The following UNC13A variants were observed in gnomAD, a reference collection of about 807,000 sequenced individuals.
UNC13A encodes protein unc-13 homolog A.
A neutral mutation model predicts 219.7 loss-of-function variants in UNC13A; 61 were observed. That is an observed-to-expected ratio of 0.28 (90% CI 0.23 to 0.34). UNC13A has a LOEUF of 0.34. Ranked by LOEUF, UNC13A falls within the 10% of genes least tolerant of loss-of-function variation. UNC13A has a pLI of 1.00. For synonymous variants in UNC13A, 920 were observed against 884.6 expected, an observed-to-expected ratio of 1.04 and a Z score of -0.71; for missense variants, 1,476 against 2,270.3, an observed-to-expected ratio of 0.65 and a Z score of 7.11.
At position 17,610,910 on chromosome 19, in the gene UNC13A, G is replaced by A. The variant is rs138124907; in HGVS notation, c.4652-811C>T. 8.3e-3 allele frequency among the ~76,000 whole-genome samples: 1,271 copies of A among 152,256 alleles called. 69 individuals are homozygous for A. The highest frequency in any genetic ancestry group is 0.077 in the Admixed American group (1,178 of 15,290). ...TAGCCAGGTGTGATGCTGCATGCCT[G>A]CAATCCCAGCGACTCCGGAAGCTGA... On this transcript the variant is annotated intron_variant, in intron 42 of 43. Transcript: ENST00000519716.
Position 17,604,671 on chromosome 19 carries a change from T to A in UNC13A, c.*1383A>T, listed in dbSNP as rs567275665. The stretch of plus-strand genomic sequence containing the variant: ...AAAGCAGATCCCAGAGCAAGTGTAG[T>A]CCACGCTGAACTTTCCCCTAAGGTC... On this transcript the variant is annotated 3_prime_UTR_variant, in exon 44 of 44. Coordinates refer to ENST00000519716, the MANE Select transcript of UNC13A (RefSeq NM_001080421.3). The A allele has an allele frequency of 6.6e-6, 1 of 152,416 alleles. No individual in the cohort carries two copies. The highest frequency in any genetic ancestry group is 1.9e-4 in the East Asian group (1 of 5,192). 9.4% of individuals were successfully genotyped at this position (152,416 alleles called of 1,614,324 possible). A position where few individuals can be genotyped will look rare whatever the true frequency, so the allele number is the denominator to read the frequency against.
rs752113718 is a variant in UNC13A at position 17,658,197 on chromosome 19, G to C, written c.632C>G (p.Pro211Arg). The change falls in exon 9 of 44, where the codon CCG (proline) becomes CGG (arginine). Residue 211 changes from proline to arginine, a missense_variant. This residue lies in a region of UNC13A where 203 missense variants were observed against 301.6 expected (regional missense o/e 0.67). Coordinates refer to ENST00000519716, the MANE Select transcript of UNC13A (RefSeq NM_001080421.3). ...GGGTTGTGACGTAGTATAATAGGGC[G>C]GCGGGATGCTGTTGCTCGTTTCACT... ...YRSETSNSIPPPYYTTSQPNA... is the reference protein window; with the variant it reads ...YRSETSNSIPRPYYTTSQPNA... 6.8e-6 allele frequency: 11 copies of C among 1,613,948 alleles called. No individual in the cohort carries two copies. Among genetic ancestry groups the C allele is most frequent in the South Asian group, 2.2e-5 (2 of 91,084 alleles).
chr19:17,619,433 C>CTTTTTTTTTTT (rs1568504333), intron 38 of UNC13A, among the ~76,000 whole-genome samples: 1 of 117,718 alleles, frequency 8.5e-6, no homozygotes. Context: ...TCTGATTTTT[C>CTTTTTTTTTTT]TTTTCTTTTT....
In UNC13A at chr19:17,627,152, G is replaced by A. The variant is rs927537430; in HGVS notation, c.3920+357C>T. On this transcript the variant is annotated intron_variant, in intron 33 of 43. Transcript: ENST00000519716. The surrounding 1 kb of genome is among the most constrained non-coding windows in gnomAD (Gnocchi z 4.7). Reference sequence around the variant, plus strand: ...CTGCACTCCAGCCTGGTGACAGAACGAGACTTCGTCTCAAAAAAAAAAAAA... The same window carrying A: ...CTGCACTCCAGCCTGGTGACAGAACAAGACTTCGTCTCAAAAAAAAAAAAA... Among the ~76,000 whole-genome samples, 14 of 150,042 alleles carry A rather than the reference G, an allele frequency of 9.3e-5. No homozygotes were observed. The highest frequency in any genetic ancestry group is 1.3e-4 in the Admixed American group (2 of 15,060).
intron 25 of UNC13A, among the ~76,000 whole-genome samples, chr19:17,637,083 C>T (rs1304945688): frequency 6.6e-6 from 1 of 150,884 alleles, no homozygotes; most frequent in Non-Finnish European, 1.5e-5. Context: ...CTCAAGTGAT[C>T]CTTCCACCTC....
At chr19:17,660,783 C>T (rs561613134) in intron 8 of UNC13A, among the ~76,000 whole-genome samples, 5 of 152,136 alleles carry the variant, frequency 3.3e-5, no homozygotes, top group South Asian at 2.1e-4. Context: ...CTGCCTACCT[C>T]GGCCTCCCAA....
Position 17,649,529 on chromosome 19 carries a change from T to G in UNC13A, c.1498A>C (p.Ile500Leu). The change falls in exon 13 of 44, where the codon ATC (isoleucine) becomes CTC (leucine). Residue 500 changes from isoleucine to leucine, a missense_variant. This residue lies in a region of UNC13A where 85 missense variants were observed against 211.5 expected (regional missense o/e 0.40). Transcript: ENST00000519716. The surrounding 1 kb of genome is among the most constrained non-coding windows in gnomAD (Gnocchi z 4.4). ...CTTACCAAGTCGCTCACGAGTGGGA[T>G]AGGTTTCCTCTTGCGGATGTCTGGC... is the stretch of plus-strand genomic sequence containing the variant. ...SMPDIRKRKPIPLVSDLAMSL... is the reference protein window; with the variant it reads ...SMPDIRKRKPLPLVSDLAMSL... 6.2e-7 allele frequency: 1 copy of G among 1,613,914 alleles called. No individual in the cohort carries two copies. The highest frequency in any genetic ancestry group is 8.5e-7 in the Non-Finnish European group (1 of 1,179,866).
chr19:17,687,581 T>C (rs1184008922), intron 1 of UNC13A, among the ~76,000 whole-genome samples: 3 of 151,990 alleles, frequency 2.0e-5, no homozygotes, highest in Non-Finnish European at 4.4e-5. Context: ...AGGGGTCTCC[T>C]GTCTCCACAC....
rs60885280 is a variant in UNC13A, at chr19:17,608,725, C to G, written c.4811+1215G>C. On this transcript the variant is annotated intron_variant, in intron 43 of 43. Transcript: ENST00000519716. The stretch of plus-strand genomic sequence containing the variant: ...TAGAGACGGGGTTTCACCGTGTTAG[C>G]CAGGATGGTCTCGATCTCCTGACCT... Among the ~76,000 whole-genome samples the G allele has an allele frequency of 6.8e-4, 103 of 150,946 alleles. 1 individual carries two copies. The highest frequency in any genetic ancestry group is 2.4e-4 in the Non-Finnish European group (16 of 67,792).
rs1466758646 is a variant in UNC13A, at chr19:17,656,018, C to T, written c.1148G>A (p.Gly383Glu). The T allele has an allele frequency of 1.9e-6, 3 of 1,577,608 alleles. No homozygotes were observed. Among genetic ancestry groups the T allele is most frequent in the Non-Finnish European group, 2.6e-6 (3 of 1,161,518 alleles). ...TGCCACTGGGGCCTTGTCCTCCTTC[C>T]CTGGGGCAGCTGGCGGGAGGCTGAT... ...KRISLPPAAP[G>E]KEDKAPVAPT... The change falls in exon 10 of 44, where the codon GGG (glycine) becomes GAG (glutamate). Residue 383 changes from glycine to glutamate, a missense_variant. Around this residue, in one of 14 missense-constraint regions of UNC13A, gnomAD observed 351 missense variants for 342.6 expected, o/e 1.02. Coordinates refer to ENST00000519716, the MANE Select transcript of UNC13A (RefSeq NM_001080421.3).
intron 9 of UNC13A, among the ~76,000 whole-genome samples, 195 bp downstream of exon 9, chr19:17,657,867 T>TA (rs971430450): frequency 3.1e-4 from 38 of 121,582 alleles, no homozygotes; most frequent in African/African-American, 6.9e-4. Context: ...AGACTCTGTC[T>TA]AAAAAAAAAA....
At chr19:17,634,615 C>T (rs1599357776) in intron 26 of UNC13A, among the ~76,000 whole-genome samples, 1 of 152,278 alleles carries the variant, frequency 6.6e-6, no homozygotes, top group South Asian at 2.1e-4. Flanking sequence ...GCTGGGATTA[C>T]AAGCGTGAGC....
At chr19:17,687,652 C>T (rs1338509700) in intron 1 of UNC13A, among the ~76,000 whole-genome samples, 1 of 152,018 alleles carries the variant, frequency 6.6e-6, no homozygotes, top group African/African-American at 2.4e-5. Context: ...TCGTGGATGC[C>T]CTGATGGCCA....
At position 17,658,149 on chromosome 19, in the gene UNC13A, G is replaced by A; in HGVS notation, c.680C>T (p.Ser227Phe). 6.2e-7 allele frequency: 1 copy of A among 1,613,962 alleles called. No homozygotes were observed. Among genetic ancestry groups the A allele is most frequent in the South Asian group, 1.1e-5 (1 of 91,078 alleles). The change falls in exon 9 of 44, where the codon TCT (serine) becomes TTT (phenylalanine). Residue 227 changes from serine (S) to phenylalanine (F), a missense_variant. By Grantham distance (155) the Ser-to-Phe change is radical. Coordinates refer to ENST00000519716, the MANE Select transcript of UNC13A (RefSeq NM_001080421.3). ...GGAGCCCAGGGGTGGTGGGCGAACA[G>A]AATATTGGTGGACTGAGGCGTTGGG... Reference protein sequence around the residue: ...SQPNASVHQYSVRPPPLGSRE... With the variant: ...SQPNASVHQYFVRPPPLGSRE...
At position 17,640,550 on chromosome 19, in the gene UNC13A, G is replaced by A. The variant is rs376389449; in HGVS notation, c.2748C>T (p.Asn916=). 1,172 of 1,555,758 alleles carry A rather than the reference G, an allele frequency of 7.5e-4. 21 individuals carry two copies. The South Asian group carries it at 0.013, about 17-fold the overall frequency. The stretch of plus-strand genomic sequence containing the variant: ...CGGCGAAGCGGTCGGAGGCAGACAC[G>A]TTGGTGGAGGCGGTGGTGTGTGCGT... ...AYYAHTTAST[N]VSASDRFAAS... is the part of the protein sequence containing the mutation. The change falls in exon 22 of 44, where the codon AAC becomes AAT. Residue 916 remains asparagine (N), a synonymous_variant. Coordinates refer to ENST00000519716, the MANE Select transcript of UNC13A (RefSeq NM_001080421.3).
intron 43 of UNC13A, among the ~76,000 whole-genome samples, chr19:17,609,492 C>T (rs1051319749): frequency 2.0e-5 from 3 of 152,058 alleles, no homozygotes; most frequent in Non-Finnish European, 2.9e-5. Context: ...TGACAAGGCT[C>T]AATGTAGACT....
chr19:17,639,010 AG>A, intron 25 of UNC13A, 72 bp downstream of exon 25: 1 of 1,459,922 alleles, frequency 6.8e-7, no homozygotes, highest in South Asian at 1.5e-5. Flanking sequence ...TCCCTCGGGA[AG>A]GGGCAGGGCT....
In UNC13A at chr19:17,602,397, C is replaced by CT. The variant is rs1247377609; in HGVS notation, c.*3656dup. 1 of 152,198 alleles carries CT rather than the reference C, an allele frequency of 6.6e-6. No individual in the cohort carries two copies. The highest frequency in any genetic ancestry group is 1.5e-5 in the Non-Finnish European group (1 of 68,050). The allele number at this position is 152,198 out of a possible 1,614,324, so 9.4% of individuals were successfully genotyped here. A position where few individuals can be genotyped will look rare whatever the true frequency, so the allele number is the denominator to read the frequency against. Reference sequence around the variant, plus strand: ...TACTCTATTCCTCTTGGTCAGGGGACTTTGACTCTGAGGCATCCCTCAATG... The same window carrying CT: ...TACTCTATTCCTCTTGGTCAGGGGACTTTTGACTCTGAGGCATCCCTCAATG... On this transcript the variant is annotated 3_prime_UTR_variant, in exon 44 of 44. Coordinates refer to ENST00000519716, the MANE Select transcript of UNC13A (RefSeq NM_001080421.3).
intron 12 of UNC13A, among the ~76,000 whole-genome samples, chr19:17,651,045 C>A (rs915956511): frequency 6.6e-6 from 1 of 150,494 alleles, no homozygotes; most frequent in African/African-American, 2.4e-5. Flanking sequence ...TCAAGCAATT[C>A]TCCTATCTCA....
Sources: allele counts gnomAD v4.1 joint callset (sites outside exome capture counted in the v4.1 genomes callset), GRCh38; gene constraint gnomAD v4.1.1; regional missense constraint gnomAD v4.1.1; non-coding constraint Gnocchi (gnomAD v3.1); transcripts MANE v1.5; gene names NCBI Gene and HGNC (gene_info 2026-07-23, HGNC 2026-07-21).